Variants in TRAPPC8 observed in about 807,000 individuals in gnomAD.
TRAPPC8 encodes the protein trafficking protein particle complex subunit 8, also known as general sporulation gene 1 homolog.
In TRAPPC8, 54 loss-of-function variants were observed where a neutral mutation model predicts 174.3. The ratio of observed to expected loss-of-function variants is 0.31; its 90% confidence interval spans 0.25 to 0.39. TRAPPC8 has a LOEUF of 0.39. TRAPPC8 is among the 10% of genes least tolerant of loss of function. The pLI is 1.00. For synonymous variants in TRAPPC8, 630 were observed against 579.9 expected (o/e 1.09, Z -1.24); for missense variants, 1,531 against 1,699.1 (o/e 0.90, Z 1.74).
At chr18:31,854,887 A>C (rs905790205) in intron 21 of TRAPPC8, among the ~76,000 whole-genome samples, 2 of 141,724 alleles carry the variant, frequency 1.4e-5, no homozygotes, top group African/African-American at 5.4e-5. Flanking sequence ...AATGGCATGA[A>C]CCCGGGAGGT....
In TRAPPC8 at chr18:31,853,855, T is replaced by C. The variant is rs778333253; in HGVS notation, c.3427A>G (p.Asn1143Asp). The change falls in exon 22 of 29, where the codon AAC (asparagine) becomes GAC (aspartate). Residue 1143 changes from asparagine (N) to aspartate (D), a missense_variant. By Grantham distance (23) the Asn-to-Asp change is conservative. Transcript: ENST00000283351. Reference protein sequence around the residue: ...KLQKSVNLSENKDTKLASREK... With the variant: ...KLQKSVNLSEDKDTKLASREK... ...GCAGGAAAAACAAACAAACCTTTGTTTTCAGAAAGATTTACAGATTTCTGT... is the reference window on the plus strand; with the variant it reads ...GCAGGAAAAACAAACAAACCTTTGTCTTCAGAAAGATTTACAGATTTCTGT... The C allele has an allele frequency of 8.4e-5, 134 of 1,604,222 alleles. No individual in the cohort carries two copies. Among genetic ancestry groups the C allele is most frequent in the Non-Finnish European group, 1.1e-4 (132 of 1,177,824 alleles).
intron 11 of TRAPPC8, 35 bp from the exon 12 acceptor site, chr18:31,890,901 CA>C: frequency 6.4e-7 from 1 of 1,567,368 alleles, no homozygotes; most frequent in Non-Finnish European, 8.6e-7. Flanking sequence ...AGGTTAGTTT[CA>C]CCAAGTTAAA....
intron 11 of TRAPPC8, among the ~76,000 whole-genome samples, chr18:31,892,747 A>G (rs1260794179): frequency 1.7e-4 from 26 of 152,168 alleles, no homozygotes; most frequent in Admixed American, 1.7e-3. Context: ...AATAAAAATG[A>G]CACCCGGGAG....
intron 20 of TRAPPC8, among the ~76,000 whole-genome samples, chr18:31,856,171 C>G (rs1020950871): frequency 1.3e-5 from 2 of 151,788 alleles, no homozygotes; most frequent in South Asian, 4.2e-4. Context: ...GTGGGGTGAT[C>G]TCAGCTCACC....
chr18:31,873,045 T>G (rs980346522), intron 14 of TRAPPC8, among the ~76,000 whole-genome samples: 1 of 141,358 alleles, frequency 7.1e-6, no homozygotes, highest in African/African-American at 2.7e-5. Context: ...TGAGACAAAG[T>G]TTCACTCTGT....
In TRAPPC8 at chr18:31,907,440, T is replaced by A; in HGVS notation, c.1389+20A>T. The A allele has an allele frequency of 6.4e-7, 1 of 1,552,548 alleles. No individual in the cohort carries two copies. The highest frequency in any genetic ancestry group is 8.7e-7 in the Non-Finnish European group (1 of 1,148,636). On this transcript the variant is annotated intron_variant, in intron 9 of 28. Transcript: ENST00000283351. ...TTATGGTAGCAGAATTAAGGAATTA[T>A]AATACCATAGAATACCAACCAAGGC...
intron 2 of TRAPPC8, chr18:31,926,723 T>TA (rs1257944806): frequency 1.3e-5 from 2 of 152,060 alleles, no homozygotes; most frequent in African/African-American, 4.8e-5. Flanking sequence ...CACCACAAGA[T>TA]GTTTTTAAAA....
intron 9 of TRAPPC8, among the ~76,000 whole-genome samples, chr18:31,901,370 A>G (rs2036418204): frequency 6.6e-6 from 1 of 152,226 alleles, no homozygotes. Flanking sequence ...GGCCTTTAAA[A>G]CATATCCTTA....
intron 25 of TRAPPC8, among the ~76,000 whole-genome samples, chr18:31,849,351 G>C (rs1276653602): frequency 4.6e-5 from 7 of 151,720 alleles, no homozygotes; most frequent in Non-Finnish European, 8.8e-5. Context: ...AATATTCTCG[G>C]TAACACACAG....
chr18:31,911,350 C>T (rs1444310122), intron 5 of TRAPPC8, among the ~76,000 whole-genome samples: 1 of 151,762 alleles, frequency 6.6e-6, no homozygotes, highest in East Asian at 1.9e-4. Flanking sequence ...AACCCTGTCT[C>T]GACTAAAAAT....
chr18:31,931,516 CAT>C lies in TRAPPC8; in HGVS notation c.163_164del (p.Met55GlufsTer4), dbSNP rs775837389. On this transcript the variant is annotated frameshift_variant, in exon 2 of 29. Coordinates refer to ENST00000283351, the MANE Select transcript of TRAPPC8 (RefSeq NM_014939.5). LOFTEE classifies it high-confidence loss of function. ...PFSRLTSEVH[M>X]RDPNNQLHVI... is the part of the protein sequence containing the mutation. ...CGTGAAGTTGATTATTAGGATCTCTCATGTGAACTTTAAAGAAAAAAAGAAAA... is the reference window on the plus strand; with the variant it reads ...CGTGAAGTTGATTATTAGGATCTCTCGTGAACTTTAAAGAAAAAAAGAAAA... 6.4e-7 allele frequency: 1 copy of C among 1,554,074 alleles called. No individual in the cohort carries two copies. The highest frequency in any genetic ancestry group is 8.7e-7 in the Non-Finnish European group (1 of 1,152,358).
chr18:31,882,290 CAT>C (rs2035493275), intron 12 of TRAPPC8, among the ~76,000 whole-genome samples: 1 of 152,136 alleles, frequency 6.6e-6, no homozygotes, highest in African/African-American at 2.4e-5. Context: ...AGAATGGTAT[CAT>C]ATCCTTTGCA....
chr18:31,870,209 T>C (rs2034783953), intron 16 of TRAPPC8, 163 bp downstream of exon 16: 1 of 522,240 alleles, frequency 1.9e-6, no homozygotes. Context: ...TGTTTTTATG[T>C]ATTTTCAATT....
Position 31,829,946 on chromosome 18 carries a change from G to A in TRAPPC8, c.*809C>T, listed in dbSNP as rs1489487916. 2 of 152,530 alleles carry A rather than the reference G, an allele frequency of 1.3e-5. No individual in the cohort carries two copies. The highest frequency in any genetic ancestry group is 2.4e-5 in the African/African-American group (1 of 41,390). The allele number at this position is 152,530 out of a possible 1,614,324, so 9.4% of individuals were successfully genotyped here. On this transcript the variant is annotated 3_prime_UTR_variant, in exon 29 of 29. Transcript: ENST00000283351. ...AACAGATACTAATACGCTATACAGTGAATAGCATGTCTTTATTCTATTTAC... is the reference window on the plus strand; with the variant it reads ...AACAGATACTAATACGCTATACAGTAAATAGCATGTCTTTATTCTATTTAC...
At chr18:31,885,897 T>A (rs954965599) in intron 12 of TRAPPC8, among the ~76,000 whole-genome samples, 1 of 151,446 alleles carries the variant, frequency 6.6e-6, no homozygotes, top group African/African-American at 2.4e-5. Flanking sequence ...CCTAAGGTAT[T>A]TGAGGATAAT....
intron 10 of TRAPPC8, among the ~76,000 whole-genome samples, chr18:31,898,105 ATAATT>A (rs2036259005): frequency 6.6e-6 from 1 of 152,176 alleles, no homozygotes; most frequent in East Asian, 1.9e-4. Flanking sequence ...ATCCTCTTAT[ATAATT>A]TAAATAATCT....
intron 9 of TRAPPC8, among the ~76,000 whole-genome samples, chr18:31,902,390 C>A (rs140586010): frequency 4.6e-5 from 7 of 152,316 alleles, no homozygotes; most frequent in African/African-American, 1.7e-4. Flanking sequence ...CTGGTCCGAG[C>A]AACCTCTTGG....
At chr18:31,888,501 A>G (rs2145339965) in intron 12 of TRAPPC8, among the ~76,000 whole-genome samples, 1 of 152,370 alleles carries the variant, frequency 6.6e-6, no homozygotes, top group African/African-American at 2.4e-5. Context: ...TAGCAGAGAC[A>G]TGGAATCAAC....
chr18:31,921,878 A>G (rs1201893047), intron 2 of TRAPPC8, among the ~76,000 whole-genome samples: 1 of 152,180 alleles, frequency 6.6e-6, no homozygotes. Flanking sequence ...TGTTTATGTC[A>G]CTTTCTTATT....
Sources: gnomAD v4.1 joint callset for allele counts (sites outside exome capture counted in the v4.1 genomes callset) on GRCh38, gnomAD v4.1.1 for gene constraint, MANE v1.5 for transcripts, NCBI Gene and HGNC (gene_info 2026-07-23, HGNC 2026-07-21) for gene names.